The following ANGPTL5 variants were observed in gnomAD, a reference collection of about 807,000 sequenced individuals.
ANGPTL5 encodes angiopoietin like 5, also known as angiopoietin-related protein 5.
Under a neutral mutation model 39.4 loss-of-function variants are expected in ANGPTL5, and 34 were observed. The ratio of observed to expected loss-of-function variants is 0.86; its 90% CI spans 0.66 to 1.15. ANGPTL5 has a LOEUF of 1.15. Ranked by LOEUF, ANGPTL5 falls within the 50% of genes most tolerant of loss-of-function variation. The pLI, the probability that ANGPTL5 is intolerant of heterozygous loss-of-function variation, is 0.00. For synonymous variants in ANGPTL5, 146 were observed against 152.1 expected (o/e 0.96, Z 0.29); for missense variants, 467 against 457.5 (o/e 1.02, Z -0.19).
intron 5 of ANGPTL5, 129 bp from the exon 6 acceptor site, chr11:101,902,850 G>A: frequency 1.7e-6 from 1 of 596,262 alleles, no homozygotes; most frequent in Non-Finnish European, 2.8e-6. Flanking sequence ...TCTTCAAAAT[G>A]AAAAATGGTC....
intron 7 of ANGPTL5, among the ~76,000 whole-genome samples, chr11:101,897,841 CT>C (rs1368746217): frequency 1.3e-5 from 2 of 152,236 alleles, no homozygotes; most frequent in East Asian, 3.9e-4. Flanking sequence ...TATACAGGCT[CT>C]TTTTTGGTTC....
In ANGPTL5 at chr11:101,916,125, T is replaced by C. The variant is rs1330931993; in HGVS notation, c.-199A>G. 1 of 152,246 alleles carries C rather than the reference T, an allele frequency of 6.6e-6. No individual in the cohort carries two copies. The highest frequency in any genetic ancestry group is 1.5e-5 in the Non-Finnish European group (1 of 68,040). The allele number at this position is 152,246 out of a possible 1,614,324, so 9.4% of individuals were successfully genotyped here. On this transcript the variant is annotated 5_prime_UTR_variant, in exon 1 of 9. Transcript: ENST00000334289. ...TTCCTTTAGAGACTGTTGTGATGATTAGGATTTAACCTTTGTATTCCCAAA... is the reference window on the plus strand; with the variant it reads ...TTCCTTTAGAGACTGTTGTGATGATCAGGATTTAACCTTTGTATTCCCAAA...
In ANGPTL5 at chr11:101,905,839, G is replaced by T; in HGVS notation, c.250C>A (p.Gln84Lys). The change falls in exon 4 of 9, where the codon CAA becomes AAA. Residue 84 changes from glutamine (Q) to lysine (K), a missense_variant. Coordinates refer to ENST00000334289, the MANE Select transcript of ANGPTL5 (RefSeq NM_178127.5). ...EEKHFMCRNL[Q>K]NSIVSYTRST... ...CTTGTGTAGGAAACAATAGAATTTT[G>T]CAAATTTCCTTAACCATAATAAAAA... The T allele has an allele frequency of 6.3e-7, 1 of 1,594,418 alleles. No individual in the cohort carries two copies. Among genetic ancestry groups the T allele is most frequent in the Non-Finnish European group, 8.6e-7 (1 of 1,164,194 alleles).
intron 5 of ANGPTL5, among the ~76,000 whole-genome samples, chr11:101,902,937 T>TG (rs1939931952): frequency 6.6e-6 from 1 of 152,180 alleles, no homozygotes; most frequent in African/African-American, 2.4e-5. Context: ...ATAATGTCAC[T>TG]GTTAGTGATT....
Position 101,907,131 on chromosome 11 carries a change from A to G in ANGPTL5, c.213T>C (p.Ile71=), listed in dbSNP as rs1307508536. The change falls in exon 3 of 9, where the codon ATT becomes ATC. Residue 71 remains isoleucine, a synonymous_variant. Coordinates refer to ENST00000334289, the MANE Select transcript of ANGPTL5 (RefSeq NM_178127.5). ...ACATGAAATGTTTTTCTTCTCGTGTAATTTTAGTTTTAACATCACATGATT... is the reference window on the plus strand; with the variant it reads ...ACATGAAATGTTTTTCTTCTCGTGTGATTTTAGTTTTAACATCACATGATT... ...CEESCDVKTK[I]TREEKHFMCR... 12 of 1,585,102 alleles carry G rather than the reference A, an allele frequency of 7.6e-6. No individual in the cohort carries two copies. In the East Asian group the frequency reaches 2.7e-4, roughly 36 times the overall value.
intron 5 of ANGPTL5, among the ~76,000 whole-genome samples, chr11:101,904,178 A>G (rs1342007935): frequency 2.0e-5 from 3 of 152,186 alleles, no homozygotes; most frequent in African/African-American, 4.8e-5. Flanking sequence ...CCTATCACAT[A>G]GAAGATTTTT....
chr11:101,891,052 T>C lies in ANGPTL5; in HGVS notation c.*227A>G. The stretch of plus-strand genomic sequence containing the variant: ...AAGTTGTAGTTCACTTGAAACAAAT[T>C]TCATTGTATATTGTTAATATAGTCA... On this transcript the variant is annotated 3_prime_UTR_variant, in exon 9 of 9. Transcript: ENST00000334289. The C allele has an allele frequency of 2.9e-6, 1 of 349,298 alleles. No individual in the cohort carries two copies. The highest frequency in any genetic ancestry group is 5.1e-6 in the Non-Finnish European group (1 of 195,618). The allele number at this position is 349,298 out of a possible 1,614,324, so 21.6% of individuals were successfully genotyped here. A position where few individuals can be genotyped will look rare whatever the true frequency, so the allele number is the denominator to read the frequency against.
rs954994895 is a variant in ANGPTL5, at chr11:101,891,567, A to G, written c.879T>C (p.Asp293=). The G allele has an allele frequency of 1.2e-6, 2 of 1,613,860 alleles. No homozygotes were observed. Among genetic ancestry groups the G allele is most frequent in the Non-Finnish European group, 1.7e-6 (2 of 1,179,940 alleles). The change falls in exon 9 of 9, where the codon GAT becomes GAC. Residue 293 remains aspartate (D), a synonymous_variant. Transcript: ENST00000334289. ...GDAFRGLKKE[D]NQNAMPFSTS... ...TGCTAAAAGGCATTGCATTTTGATT[A>G]TCTTCTTTTTTGAGACCCCGGAATG...
At chr11:101,902,590 A>G in intron 6 of ANGPTL5, 31 bp downstream of exon 6, 1 of 1,450,738 alleles carries the variant, frequency 6.9e-7, no homozygotes, top group Non-Finnish European at 9.7e-7. Context: ...TAGCCCACAT[A>G]ATACGGGAAA....
At chr11:101,891,644 T>C (rs1416280075) in intron 8 of ANGPTL5, 46 bp from the exon 9 acceptor site, 2 of 1,541,810 alleles carry the variant, frequency 1.3e-6, no homozygotes, top group Non-Finnish European at 1.8e-6. Flanking sequence ...AAATTTCTAT[T>C]ATTTTAATTA....
chr11:101,891,201 C>T lies in ANGPTL5; in HGVS notation c.*78G>A. On this transcript the variant is annotated 3_prime_UTR_variant, in exon 9 of 9. Coordinates refer to ENST00000334289, the MANE Select transcript of ANGPTL5 (RefSeq NM_178127.5). ...TAAATTTTGCCTAATATGTTTGAAA[C>T]ACTAAGTGAAAAGATAAACTTTTAA... The T allele has an allele frequency of 7.3e-7, 1 of 1,360,778 alleles. No individual in the cohort carries two copies. The highest frequency in any genetic ancestry group is 1.0e-6 in the Non-Finnish European group (1 of 1,001,080). The allele number at this position is 1,360,778 out of a possible 1,614,324, so 84.3% of individuals were successfully genotyped here.
At chr11:101,902,787 T>A in intron 5 of ANGPTL5, 66 bp from the exon 6 acceptor site, 1 of 1,037,774 alleles carries the variant, frequency 9.6e-7, no homozygotes, top group Non-Finnish European at 1.5e-6. Context: ...CATTTTACTA[T>A]AGAGAATTGA....
chr11:101,906,645 T>A (rs1940001722), intron 3 of ANGPTL5, among the ~76,000 whole-genome samples: 1 of 152,120 alleles, frequency 6.6e-6, no homozygotes, highest in African/African-American at 2.4e-5. Context: ...TTGCCCCCTA[T>A]AACAAAAGGG....
intron 1 of ANGPTL5, among the ~76,000 whole-genome samples, chr11:101,910,430 T>TAC: frequency 6.8e-6 from 1 of 146,172 alleles, no homozygotes; most frequent in South Asian, 2.2e-4. Context: ...AAAAAATATA[T>TAC]ATATATATAT....
At chr11:101,900,408 G>A in intron 7 of ANGPTL5, 22 bp downstream of exon 7, 1 of 1,607,732 alleles carries the variant, frequency 6.2e-7, no homozygotes, top group Non-Finnish European at 8.5e-7. Flanking sequence ...ACAATGTAGA[G>A]TAGAAATACA....
Position 101,907,959 on chromosome 11 carries a change from TGTGG to T in ANGPTL5, c.-54_-51del. On this transcript the variant is annotated 5_prime_UTR_variant, in exon 2 of 9. The change creates a premature stop within an existing upstream ORF in the 5' untranslated region. Coordinates refer to ENST00000334289, the MANE Select transcript of ANGPTL5 (RefSeq NM_178127.5). ...CTTCTTCAAATATCAGTCAGCTCTT[TGTGG>T]AAAGAACTACAGAGCATAGAGTCTT... The T allele has an allele frequency of 2.2e-6, 3 of 1,333,652 alleles. No individual in the cohort carries two copies. Among genetic ancestry groups the T allele is most frequent in the Non-Finnish European group, 3.2e-6 (3 of 931,566 alleles). The allele number at this position is 1,333,652 out of a possible 1,614,324, so 82.6% of individuals were successfully genotyped here. A position where few individuals can be genotyped will look rare whatever the true frequency, so the allele number is the denominator to read the frequency against.
intron 5 of ANGPTL5, 44 bp from the exon 6 acceptor site, chr11:101,902,765 A>G (rs377051058): frequency 4.9e-5 from 61 of 1,246,866 alleles, no homozygotes; most frequent in Non-Finnish European, 6.5e-5. Context: ...TCAAATGTAC[A>G]TTTAAGGCAA....
At chr11:101,907,786 G>C (rs1456990915) in intron 2 of ANGPTL5, 28 bp downstream of exon 2, 1 of 1,431,966 alleles carries the variant, frequency 7.0e-7, no homozygotes, top group Non-Finnish European at 9.8e-7. Flanking sequence ...TGCTTTCCTA[G>C]CTAATATAAT....
At chr11:101,900,110 T>C (rs935842848) in intron 7 of ANGPTL5, among the ~76,000 whole-genome samples, 3 of 152,200 alleles carry the variant, frequency 2.0e-5, no homozygotes, top group East Asian at 3.8e-4. Flanking sequence ...AACGCTGCCA[T>C]TCAGTTTTTC....
Sources: allele counts gnomAD v4.1 joint callset (sites outside exome capture counted in the v4.1 genomes callset), GRCh38; gene constraint gnomAD v4.1.1; transcripts MANE v1.5; gene names NCBI Gene and HGNC (gene_info 2026-07-23, HGNC 2026-07-21).